Variants in SIPA1L3 observed in about 807,000 individuals in gnomAD.
The protein encoded by SIPA1L3 is signal-induced proliferation-associated 1-like protein 3.
Under a neutral mutation model 150.1 loss-of-function variants are expected in SIPA1L3, and 59 were observed. That is an observed-to-expected ratio of 0.39 (90% CI 0.32 to 0.49). The LOEUF (loss-of-function observed/expected upper bound fraction) is 0.49, where lower values mean the gene tolerates loss of function less well. SIPA1L3 is among the 20% of genes least tolerant of loss of function. SIPA1L3 has a pLI of 0.86. For synonymous variants in SIPA1L3, 1,070 were observed against 1,077.6 expected (o/e 0.99, Z 0.14); for missense variants, 2,211 against 2,489.5 (o/e 0.89, Z 2.38).
intron 9 of SIPA1L3, among the ~76,000 whole-genome samples, chr19:38,126,724 C>T (rs1174254083): frequency 2.6e-5 from 4 of 151,648 alleles, no homozygotes; most frequent in South Asian, 2.1e-4. Flanking sequence ...TTAGTAGAGA[C>T]GGGGTTTCAC....
chr19:38,202,744 G>A (rs1238631025), intron 20 of SIPA1L3, among the ~76,000 whole-genome samples: 5 of 152,042 alleles, frequency 3.3e-5, no homozygotes, highest in Admixed American at 6.6e-5. Context: ...TCTGCCTCAC[G>A]CTCACCCTTC....
chr19:38,169,112 G>A (rs779596947), intron 15 of SIPA1L3, among the ~76,000 whole-genome samples: 9 of 152,146 alleles, frequency 5.9e-5, no homozygotes, highest in African/African-American at 1.9e-4. Flanking sequence ...ATCCAGGCCC[G>A]GCGCAGTGGC....
intron 10 of SIPA1L3, among the ~76,000 whole-genome samples, chr19:38,136,762 ATTTGC>A (rs1182223866): frequency 6.6e-6 from 1 of 152,092 alleles, no homozygotes; most frequent in Non-Finnish European, 1.5e-5. Context: ...AATCTTCATT[ATTTGC>A]TGAGCTCCTG....
At chr19:37,923,030 G>A (rs909361963) in intron 1 of SIPA1L3, among the ~76,000 whole-genome samples, 10 of 151,696 alleles carry the variant, frequency 6.6e-5, no homozygotes, top group African/African-American at 2.2e-4. Context: ...CCACCTACTC[G>A]GGAGGCTGAG....
At chr19:37,950,228 T>TA (rs2046751055) in intron 1 of SIPA1L3, among the ~76,000 whole-genome samples, 2 of 152,148 alleles carry the variant, frequency 1.3e-5, no homozygotes, top group African/African-American at 2.4e-5. Flanking sequence ...GCCTTTTACT[T>TA]CAGGGTGTGG....
At chr19:38,089,625 A>G (rs1271974992) in intron 4 of SIPA1L3, among the ~76,000 whole-genome samples, 1 of 152,124 alleles carries the variant, frequency 6.6e-6, no homozygotes, top group Non-Finnish European at 1.5e-5. Flanking sequence ...AGCTCAAGGT[A>G]CTCCCAATGT....
chr19:38,086,527 T>A (rs1490971591), intron 3 of SIPA1L3, among the ~76,000 whole-genome samples: 1 of 151,854 alleles, frequency 6.6e-6, no homozygotes, highest in Non-Finnish European at 1.5e-5. Flanking sequence ...AAAAAAAGGT[T>A]AAAAATTTAG....
intron 13 of SIPA1L3, among the ~76,000 whole-genome samples, chr19:38,155,844 G>A (rs1212054717): frequency 6.6e-6 from 1 of 152,096 alleles, no homozygotes; most frequent in African/African-American, 2.4e-5. Context: ...ATTTTGGGAG[G>A]CCGAGGCAGG....
At position 38,027,844 on chromosome 19, in the gene SIPA1L3, G is replaced by T. The variant is rs376269233; in HGVS notation, c.-378-1245G>T. ...TGCCTAGCTTAGTATACTTTTGACT[G>T]ACTGGGCAACCTCAGCTAGTGGGTC... On this transcript the variant is annotated intron_variant, in intron 1 of 21. Coordinates refer to ENST00000222345, the MANE Select transcript of SIPA1L3 (RefSeq NM_015073.3). Among the ~76,000 whole-genome samples the T allele has an allele frequency of 3.1e-3, 468 of 152,240 alleles. 2 individuals carry two copies. Among genetic ancestry groups the T allele is most frequent in the African/African-American group, 0.011 (448 of 41,536 alleles).
chr19:37,941,091 C>A (rs924248604), intron 1 of SIPA1L3, among the ~76,000 whole-genome samples: 1 of 128,000 alleles, frequency 7.8e-6, no homozygotes, highest in Non-Finnish European at 1.8e-5. Flanking sequence ...CACACATACA[C>A]ACACACACAC....
chr19:38,127,952 C>T (rs1308785732), intron 9 of SIPA1L3, among the ~76,000 whole-genome samples: 3 of 151,724 alleles, frequency 2.0e-5, no homozygotes, highest in South Asian at 2.1e-4. Context: ...TAAAGGTACC[C>T]GCAGGTTCTG....
At chr19:37,931,264 C>T (rs370863152) in intron 1 of SIPA1L3, among the ~76,000 whole-genome samples, 7 of 152,244 alleles carry the variant, frequency 4.6e-5, no homozygotes, top group South Asian at 2.1e-4. Flanking sequence ...GTAATCCCAG[C>T]GCTTTGGGAG....
At chr19:38,040,559 G>T (rs758844939) in intron 2 of SIPA1L3, among the ~76,000 whole-genome samples, 1 of 152,024 alleles carries the variant, frequency 6.6e-6, no homozygotes, top group Non-Finnish European at 1.5e-5. Context: ...ATTCCAGTGC[G>T]AATAATAAAT....
chr19:38,000,891 A>G (rs917973137), intron 1 of SIPA1L3, among the ~76,000 whole-genome samples: 6 of 138,720 alleles, frequency 4.3e-5, no homozygotes, highest in African/African-American at 1.4e-4. Flanking sequence ...ATATATATAT[A>G]TGTTATATAT....
intron 2 of SIPA1L3, among the ~76,000 whole-genome samples, chr19:38,033,331 C>A (rs575049090): frequency 1.6e-4 from 24 of 152,274 alleles, no homozygotes; most frequent in African/African-American, 5.8e-4. Flanking sequence ...TTCTTTGTAG[C>A]AAAAGATAGC....
intron 1 of SIPA1L3, among the ~76,000 whole-genome samples, chr19:37,928,021 C>T (rs1358270761): frequency 1.3e-5 from 2 of 152,094 alleles, no homozygotes; most frequent in Non-Finnish European, 2.9e-5. Context: ...CTGCGATGAA[C>T]GTAGGAGTGC....
chr19:38,198,615 C>T (rs1429636283), intron 19 of SIPA1L3, 83 bp downstream of exon 19: 1 of 1,255,600 alleles, frequency 8.0e-7, no homozygotes, highest in Non-Finnish European at 1.0e-6. Flanking sequence ...CATGGCTTTG[C>T]AGGGATACCC....
chr19:37,998,468 A>G (rs1384403598), intron 1 of SIPA1L3, among the ~76,000 whole-genome samples: 2 of 152,208 alleles, frequency 1.3e-5, no homozygotes, highest in Non-Finnish European at 2.9e-5. Context: ...TTGAAATGAC[A>G]TGATATCCGG....
chr19:38,192,394 T>A, intron 17 of SIPA1L3, 84 bp downstream of exon 17: 1 of 1,294,700 alleles, frequency 7.7e-7, no homozygotes, highest in Non-Finnish European at 1.0e-6. Flanking sequence ...AGGGCTGTGC[T>A]CCCCACGGTC....
Sources: allele counts gnomAD v4.1 joint callset (sites outside exome capture counted in the v4.1 genomes callset), GRCh38; gene constraint gnomAD v4.1.1; transcripts MANE v1.5; gene names NCBI Gene and HGNC (gene_info 2026-07-23, HGNC 2026-07-21).